Variants in KCNMB2 observed in about 807,000 individuals in gnomAD.
KCNMB2 encodes calcium-activated potassium channel subunit beta-2.
A neutral mutation model predicts 24.5 loss-of-function variants in KCNMB2; 9 were observed. The ratio of observed to expected loss-of-function variants is 0.37; its 90% CI spans 0.22 to 0.64. The LOEUF (loss-of-function observed/expected upper bound fraction) is 0.64, where lower values mean the gene tolerates loss of function less well. Ranked by LOEUF, KCNMB2 falls within the 30% of genes least tolerant of loss-of-function variation. KCNMB2 has a pLI of 0.63. For missense variants in KCNMB2, 226 were observed against 284.3 expected (o/e 0.79, Z 1.47); for synonymous variants, 109 against 104.4 (o/e 1.04, Z -0.27).
intron 1 of KCNMB2, among the ~76,000 whole-genome samples, chr3:178,738,532 A>C (rs1723389787): frequency 6.6e-6 from 1 of 152,164 alleles, no homozygotes; most frequent in Admixed American, 6.5e-5. Context: ...GCATGAAACC[A>C]CTGGTATTCT....
intron 1 of KCNMB2, among the ~76,000 whole-genome samples, chr3:178,755,203 C>G (rs1409931374): frequency 6.6e-6 from 1 of 152,178 alleles, no homozygotes; most frequent in African/African-American, 2.4e-5. Context: ...ATAGCAGGAG[C>G]ACTCAAAAAA....
rs113878570 is a variant in KCNMB2 at position 178,694,846 on chromosome 3, G to A, written c.-67-112497G>A. Among the ~76,000 whole-genome samples, 258 of 152,262 alleles carry A rather than the reference G, an allele frequency of 1.7e-3. 1 individual carries two copies. Among genetic ancestry groups the A allele is most frequent in the African/African-American group, 5.8e-3 (243 of 41,542 alleles). ...GTGTCTGTGGCTTTTCCAGGTGTAC[G>A]GTGCAAGCTGTCAGTAGATCTACCA... is the stretch of plus-strand genomic sequence containing the variant. On this transcript the variant is annotated intron_variant, in intron 1 of 4. Coordinates refer to ENST00000452583, the MANE Select transcript of KCNMB2 (RefSeq NM_181361.3).
chr3:178,697,300 A>G (rs1333806480), intron 1 of KCNMB2, among the ~76,000 whole-genome samples: 1 of 152,198 alleles, frequency 6.6e-6, no homozygotes, highest in African/African-American at 2.4e-5. Flanking sequence ...TGTTGGGTAC[A>G]TATATATTTA....
At chr3:178,772,028 C>A (rs1712389938) in intron 1 of KCNMB2, among the ~76,000 whole-genome samples, 1 of 152,108 alleles carries the variant, frequency 6.6e-6, no homozygotes, top group Non-Finnish European at 1.5e-5. Flanking sequence ...TAGCTAAATC[C>A]TTTACCTCCT....
chr3:178,723,074 C>A (rs1722861318), intron 1 of KCNMB2, among the ~76,000 whole-genome samples: 1 of 152,088 alleles, frequency 6.6e-6, no homozygotes, highest in Admixed American at 6.6e-5. Flanking sequence ...CAATTTCATT[C>A]ATCTATGTGT....
Position 178,564,727 on chromosome 3 carries a change from T to C in KCNMB2, c.-68+28016T>C, listed in dbSNP as rs113251418. 1.9e-3 allele frequency among the ~76,000 whole-genome samples: 294 copies of C among 152,294 alleles called. 4 individuals carry two copies. The highest frequency in any genetic ancestry group is 6.5e-3 in the African/African-American group (271 of 41,568). On this transcript the variant is annotated intron_variant, in intron 1 of 4. Coordinates refer to ENST00000452583, the MANE Select transcript of KCNMB2 (RefSeq NM_181361.3). ...ATTAACTTGATGGATTACAAATCAA[T>C]ACAAATGTTTTGGAGGGTAATTCAT...
At chr3:178,627,952 G>A (rs927583676) in intron 1 of KCNMB2, among the ~76,000 whole-genome samples, 4 of 152,180 alleles carry the variant, frequency 2.6e-5, no homozygotes, top group Non-Finnish European at 4.4e-5. Flanking sequence ...AGCTGTAATT[G>A]TGCGGAACTG....
intron 1 of KCNMB2, among the ~76,000 whole-genome samples, chr3:178,612,814 C>T (rs1005555918): frequency 2.0e-5 from 3 of 151,892 alleles, no homozygotes; most frequent in African/African-American, 7.3e-5. Context: ...TCTCCTTTTC[C>T]TTCTTTCTTT....
At chr3:178,727,377 C>T (rs7374767) in intron 1 of KCNMB2, among the ~76,000 whole-genome samples, 21,186 of 152,124 alleles carry the variant, frequency 0.14, 1,829 homozygotes, top group Non-Finnish European at 0.18. Context: ...CCGTGGTAGG[C>T]AGAGTAGTAG....
intron 2 of KCNMB2, among the ~76,000 whole-genome samples, chr3:178,808,049 G>A (rs1170631891): frequency 6.6e-6 from 1 of 151,996 alleles, no homozygotes; most frequent in African/African-American, 2.4e-5. Context: ...ATGAGAGGAG[G>A]AAAAGAGGAC....
chr3:178,801,133 G>C (rs755866147), intron 1 of KCNMB2, among the ~76,000 whole-genome samples: 2 of 152,064 alleles, frequency 1.3e-5, no homozygotes, highest in Non-Finnish European at 2.9e-5. Flanking sequence ...CAGGGTGACT[G>C]CAGTCTACAA....
intron 1 of KCNMB2, among the ~76,000 whole-genome samples, chr3:178,677,145 T>C (rs577182871): frequency 4.3e-4 from 65 of 152,282 alleles, no homozygotes; most frequent in African/African-American, 1.5e-3. Context: ...CCTCAGTTAA[T>C]ATAAGTAAAA....
chr3:178,736,790 AAT>A (rs1723332118), intron 1 of KCNMB2, among the ~76,000 whole-genome samples: 1 of 152,262 alleles, frequency 6.6e-6, no homozygotes, highest in South Asian at 2.1e-4. Flanking sequence ...TAATGTTTTA[AAT>A]TAATTTAAGT....
At chr3:178,697,456 G>A (rs905361033) in intron 1 of KCNMB2, among the ~76,000 whole-genome samples, 3 of 152,032 alleles carry the variant, frequency 2.0e-5, no homozygotes, top group Non-Finnish European at 4.4e-5. Context: ...CATTTGCTTG[G>A]TATATTTTTT....
At chr3:178,792,105 G>T (rs1306477435) in intron 1 of KCNMB2, among the ~76,000 whole-genome samples, 2 of 152,132 alleles carry the variant, frequency 1.3e-5, no homozygotes, top group African/African-American at 4.8e-5. Context: ...TTAGAACATT[G>T]TAATTGTGGT....
intron 1 of KCNMB2, among the ~76,000 whole-genome samples, chr3:178,650,898 T>C (rs1374380891): frequency 6.6e-6 from 1 of 152,186 alleles, no homozygotes; most frequent in Admixed American, 6.5e-5. Context: ...TAGGTATTGA[T>C]GGAACGTATC....
At chr3:178,778,455 G>GAC (rs71628070) in intron 1 of KCNMB2, among the ~76,000 whole-genome samples, 6,485 of 127,316 alleles carry the variant, frequency 0.051, 188 homozygotes, top group East Asian at 0.1. Context: ...TACCCTTTAA[G>GAC]ACACACACAC....
intron 1 of KCNMB2, among the ~76,000 whole-genome samples, chr3:178,663,970 C>T (rs1720627968): frequency 6.6e-6 from 1 of 152,052 alleles, no homozygotes; most frequent in East Asian, 1.9e-4. Flanking sequence ...CAAGACCTCA[C>T]AAAAGAAGAA....
chr3:178,614,323 ATATATGTATG>A (rs1718625987), intron 1 of KCNMB2, among the ~76,000 whole-genome samples: 1 of 126,622 alleles, frequency 7.9e-6, no homozygotes, highest in Admixed American at 8.4e-5. Context: ...ATGTGTATAT[ATATATGTATG>A]TATATATATA....
Sources: allele counts gnomAD v4.1 joint callset (sites outside exome capture counted in the v4.1 genomes callset), GRCh38; gene constraint gnomAD v4.1.1; transcripts MANE v1.5; gene names NCBI Gene and HGNC (gene_info 2026-07-23, HGNC 2026-07-21).